Variants in PTK2 observed in about 807,000 individuals in gnomAD.
PTK2 encodes focal adhesion kinase 1.
PTK2 carries 45 observed loss-of-function variants against 150.1 expected under a neutral mutation model. The observed-to-expected ratio is 0.30, with a 90% CI of 0.24 to 0.38. The LOEUF is 0.38. Ranked by LOEUF, PTK2 falls within the 10% of genes least tolerant of loss-of-function variation. The probability of loss-of-function intolerance (pLI) is 1.00; values close to 1 mark genes in which losing one functional copy is unlikely to be tolerated. For missense variants in PTK2, 919 were observed against 1,307.3 expected, an observed-to-expected ratio of 0.70 and a Z score of 4.58; for synonymous variants, 432 against 449.2, an observed-to-expected ratio of 0.96 and a Z score of 0.48.
intron 1 of PTK2, among the ~76,000 whole-genome samples, chr8:140,962,716 G>A (rs1587682926): frequency 6.6e-6 from 1 of 152,038 alleles, no homozygotes; most frequent in Non-Finnish European, 1.5e-5. Context: ...GGGAGGCGGA[G>A]CTTGCAGTGA....
At chr8:140,808,667 T>C (rs986137372) in intron 10 of PTK2, among the ~76,000 whole-genome samples, 3 of 151,816 alleles carry the variant, frequency 2.0e-5, no homozygotes, top group Non-Finnish European at 4.4e-5. Flanking sequence ...TACTTGAAAC[T>C]TAAGTAATAT....
intron 20 of PTK2, among the ~76,000 whole-genome samples, chr8:140,742,864 T>C (rs1231847489): frequency 6.6e-6 from 1 of 152,246 alleles, no homozygotes; most frequent in Non-Finnish European, 1.5e-5. Flanking sequence ...TTTTATCAGG[T>C]TCAGTTTATC....
At chr8:140,673,877 AAAAT>A (rs2100012064) in intron 29 of PTK2, among the ~76,000 whole-genome samples, 1 of 152,228 alleles carries the variant, frequency 6.6e-6, no homozygotes, top group Non-Finnish European at 1.5e-5. Context: ...CTTTAAATGG[AAAAT>A]AAATAAGTCT....
intron 4 of PTK2, among the ~76,000 whole-genome samples, chr8:140,870,994 T>C (rs937997961): frequency 1.3e-5 from 2 of 152,122 alleles, no homozygotes; most frequent in African/African-American, 2.4e-5. Flanking sequence ...GCTCCTATCA[T>C]TTAGTGGGTA....
chr8:140,894,367 T>C (rs1337265920), intron 2 of PTK2, among the ~76,000 whole-genome samples: 1 of 152,228 alleles, frequency 6.6e-6, no homozygotes, highest in Non-Finnish European at 1.5e-5. Flanking sequence ...CCAGTTTATG[T>C]ATTTTGTTAC....
chr8:140,950,350 C>T (rs1464885661), intron 1 of PTK2, among the ~76,000 whole-genome samples: 1 of 152,234 alleles, frequency 6.6e-6, no homozygotes, highest in Non-Finnish European at 1.5e-5. Context: ...TGGGCGCCAC[C>T]TCGTTCCCCT....
At chr8:140,963,267 C>CA (rs570175085) in intron 1 of PTK2, among the ~76,000 whole-genome samples, 164 of 152,278 alleles carry the variant, frequency 1.1e-3, no homozygotes, top group Non-Finnish European at 1.9e-3. Flanking sequence ...ACTCAGTCCT[C>CA]AAAATAACCT....
At chr8:140,902,396 T>C (rs537192825) in intron 2 of PTK2, among the ~76,000 whole-genome samples, 4,988 of 152,300 alleles carry the variant, frequency 0.033, 278 homozygotes, top group African/African-American at 0.11. Flanking sequence ...AAGTCTTTGC[T>C]ACTGTGAACA....
At chr8:140,934,375 T>G (rs550559465) in intron 1 of PTK2, 1 of 152,272 alleles carries the variant, frequency 6.6e-6, no homozygotes, top group Non-Finnish European at 1.5e-5. Flanking sequence ...CACCTGTGAA[T>G]AGCCACTGCA....
chr8:140,660,961 G>A (rs899013198), intron 31 of PTK2, among the ~76,000 whole-genome samples: 4 of 152,108 alleles, frequency 2.6e-5, no homozygotes, highest in African/African-American at 9.7e-5. Context: ...GTTTTTACCC[G>A]CAGTCTACAA....
chr8:140,944,199 G>A (rs576968704), intron 1 of PTK2, among the ~76,000 whole-genome samples: 1 of 152,140 alleles, frequency 6.6e-6, no homozygotes, highest in Non-Finnish European at 1.5e-5. Flanking sequence ...CTGTTTTGAC[G>A]AGTATTTTAT....
At chr8:140,834,121 C>G (rs532323254) in intron 7 of PTK2, among the ~76,000 whole-genome samples, 1 of 152,192 alleles carries the variant, frequency 6.6e-6, no homozygotes, top group African/African-American at 2.4e-5. Context: ...GTTCCATTGT[C>G]GCAGAAAGCT....
chr8:140,939,317 C>T (rs2154608789), intron 1 of PTK2, among the ~76,000 whole-genome samples: 1 of 152,228 alleles, frequency 6.6e-6, no homozygotes, highest in East Asian at 1.9e-4. Flanking sequence ...AAATTAATGA[C>T]AAGCATACAT....
intron 14 of PTK2, among the ~76,000 whole-genome samples, chr8:140,781,902 G>A (rs1244207010): frequency 6.6e-6 from 1 of 152,248 alleles, no homozygotes; most frequent in Non-Finnish European, 1.5e-5. Flanking sequence ...GGCAAAGGGA[G>A]TTCGAATGAT....
At chr8:140,676,765 TAAAAAAAAAAA>T (rs869199304) in intron 27 of PTK2, among the ~76,000 whole-genome samples, 39 of 55,582 alleles carry the variant, frequency 7.0e-4, no homozygotes, top group African/African-American at 1.3e-3. Flanking sequence ...GTCTCTACTT[TAAAAAAAAAAA>T]AAAAAAAAAA....
intron 12 of PTK2, 70 bp downstream of exon 12, chr8:140,800,389 C>T: frequency 8.4e-7 from 1 of 1,193,322 alleles, no homozygotes; most frequent in South Asian, 1.2e-5. Context: ...GGATAACAGG[C>T]TGTTAGGGGC....
intron 1 of PTK2, among the ~76,000 whole-genome samples, chr8:140,929,027 G>A (rs946015441): frequency 2.1e-5 from 3 of 140,384 alleles, no homozygotes; most frequent in South Asian, 4.6e-4. Context: ...GTGCAGTGGC[G>A]GGATCTCGGC....
intron 3 of PTK2, among the ~76,000 whole-genome samples, chr8:140,886,118 G>C (rs879294466): frequency 3.3e-5 from 5 of 152,178 alleles, no homozygotes; most frequent in Non-Finnish European, 7.3e-5. Flanking sequence ...ATGTGGACAG[G>C]ATTAGCTAAT....
At chr8:140,685,827 G>C (rs188207923) in intron 27 of PTK2, among the ~76,000 whole-genome samples, 2 of 152,266 alleles carry the variant, frequency 1.3e-5, no homozygotes, top group Admixed American at 1.3e-4. Context: ...AAGCAATTTG[G>C]CGATGTCTCA....
Sources: allele counts gnomAD v4.1 joint callset (sites outside exome capture counted in the v4.1 genomes callset), GRCh38; gene constraint gnomAD v4.1.1; transcripts MANE v1.5; gene names NCBI Gene and HGNC (gene_info 2026-07-23, HGNC 2026-07-21).